Variants in KIAA1671 observed in about 807,000 individuals in gnomAD.
KIAA1671 encodes KIAA1671.
In KIAA1671, 52 loss-of-function variants were observed where a neutral mutation model predicts 131.2. The observed-to-expected ratio is 0.40, with a 90% CI of 0.32 to 0.50. KIAA1671 has a LOEUF of 0.50. Ranked by LOEUF, KIAA1671 falls within the 20% of genes least tolerant of loss-of-function variation. KIAA1671 has a pLI of 0.73. For synonymous variants in KIAA1671, 1,003 were observed against 961.6 expected (o/e 1.04, Z -0.80); for missense variants, 2,360 against 2,364.2 (o/e 1.00, Z 0.04).
intron 6 of KIAA1671, among the ~76,000 whole-genome samples, chr22:25,083,037 C>A (rs1929497188): frequency 6.6e-6 from 1 of 151,996 alleles, no homozygotes; most frequent in Non-Finnish European, 1.5e-5. Flanking sequence ...TTTTATTTTG[C>A]TCCTCCTATG....
intron 6 of KIAA1671, among the ~76,000 whole-genome samples, chr22:25,117,184 G>A (rs1049341842): frequency 8.6e-5 from 13 of 150,298 alleles, no homozygotes; most frequent in African/African-American, 1.2e-4. Flanking sequence ...ATATAATGTG[G>A]TGTGGGGCAC....
At chr22:25,104,165 G>GAT (rs1930862038) in intron 6 of KIAA1671, among the ~76,000 whole-genome samples, 1 of 152,080 alleles carries the variant, frequency 6.6e-6, no homozygotes, top group Non-Finnish European at 1.5e-5. Context: ...TTTTAGTAGA[G>GAT]ATGGGGTTTT....
At chr22:25,058,161 T>G (rs1055730059) in intron 6 of KIAA1671, 8 of 152,302 alleles carry the variant, frequency 5.3e-5, no homozygotes, top group African/African-American at 1.9e-4. Context: ...TAAATCTAAA[T>G]GCATGGGGGC....
chr22:25,009,201 C>T (rs1442649961), intron 1 of KIAA1671, among the ~76,000 whole-genome samples: 1 of 147,558 alleles, frequency 6.8e-6, no homozygotes, highest in African/African-American at 2.5e-5. Flanking sequence ...TGCCTCCTGG[C>T]TTAAGGGGAT....
intron 1 of KIAA1671, among the ~76,000 whole-genome samples, chr22:25,000,126 A>C (rs1204365917): frequency 2.2e-5 from 3 of 136,326 alleles, no homozygotes; most frequent in Middle Eastern, 4.7e-3. Context: ...CTCGTGATCC[A>C]CCTGCCTCGG....
intron 10 of KIAA1671, among the ~76,000 whole-genome samples, chr22:25,182,329 CTTCTTTCTTTCCTCCCTCCCTTTCTCTT>C (rs1568996738): frequency 2.7e-5 from 2 of 74,292 alleles, no homozygotes; most frequent in African/African-American, 7.8e-5. Context: ...TTCCTTTTCT[CTTCTTTCTTTCCTCCCTCCCTTTCTCTT>C]CTTTCTTTCC....
intron 1 of KIAA1671, among the ~76,000 whole-genome samples, chr22:25,005,747 A>G (rs1924717228): frequency 6.6e-6 from 1 of 152,178 alleles, no homozygotes; most frequent in Admixed American, 6.5e-5. Context: ...GGTTAAATTA[A>G]ATAAGGTTGG....
At chr22:25,002,884 A>G (rs921162464) in intron 1 of KIAA1671, among the ~76,000 whole-genome samples, 1 of 152,010 alleles carries the variant, frequency 6.6e-6, no homozygotes, top group African/African-American at 2.4e-5. Context: ...GGATCAAACA[A>G]TTCTCCAGCC....
At chr22:25,094,194 A>G (rs968294516) in intron 6 of KIAA1671, among the ~76,000 whole-genome samples, 1 of 151,954 alleles carries the variant, frequency 6.6e-6, no homozygotes, top group African/African-American at 2.4e-5. Flanking sequence ...GAGACTTGGG[A>G]TGAATGGTGG....
intron 6 of KIAA1671, among the ~76,000 whole-genome samples, chr22:25,161,470 C>T (rs574845909): frequency 1.3e-4 from 20 of 152,130 alleles, no homozygotes; most frequent in Non-Finnish European, 2.5e-4. Context: ...GCCTGTGGCA[C>T]GATGGTGCCT....
In KIAA1671 at chr22:25,192,998, T is replaced by C. The variant is rs1028899210; in HGVS notation, c.*597T>C. 1.3e-5 allele frequency: 2 copies of C among 152,154 alleles called. No individual in the cohort carries two copies. The highest frequency in any genetic ancestry group is 2.9e-5 in the Non-Finnish European group (2 of 68,030). 9.4% of individuals were successfully genotyped at this position (152,154 alleles called of 1,614,324 possible). On this transcript the variant is annotated 3_prime_UTR_variant, in exon 13 of 13. Coordinates refer to ENST00000358431, the MANE Select transcript of KIAA1671 (RefSeq NM_001145206.2). ...AATTTTTAAACATACTCTCCCTGAT[T>C]ATGTGTATTTCTCTTTCTAGTGGGG...
At chr22:25,004,903 A>ACG in intron 1 of KIAA1671, among the ~76,000 whole-genome samples, 1 of 150,658 alleles carries the variant, frequency 6.6e-6, no homozygotes, top group South Asian at 2.1e-4. Context: ...CTGAGATGGC[A>ACG]CCTCTGCACT....
At chr22:25,112,983 G>A (rs1360047094) in intron 6 of KIAA1671, among the ~76,000 whole-genome samples, 1 of 151,932 alleles carries the variant, frequency 6.6e-6, no homozygotes, top group Admixed American at 6.5e-5. Context: ...TGAACCTTGG[G>A]TTTGGTGTGA....
chr22:25,033,573 C>CGT (rs1491222642), intron 4 of KIAA1671, among the ~76,000 whole-genome samples: 2 of 71,662 alleles, frequency 2.8e-5, no homozygotes, highest in African/African-American at 1.2e-4. Context: ...GGTTTGTTTT[C>CGT]GTTTTTTTTT....
At chr22:25,123,783 T>C (rs1932055247) in intron 6 of KIAA1671, among the ~76,000 whole-genome samples, 1 of 152,214 alleles carries the variant, frequency 6.6e-6, no homozygotes, top group African/African-American at 2.4e-5. Flanking sequence ...CTGAAATCCT[T>C]CCTAGATCCC....
At chr22:25,103,227 T>TTG (rs1299158897) in intron 6 of KIAA1671, among the ~76,000 whole-genome samples, 1 of 151,146 alleles carries the variant, frequency 6.6e-6, no homozygotes, top group Non-Finnish European at 1.5e-5. Flanking sequence ...TTTTTTTTTT[T>TTG]GAGAACGGCG....
At chr22:25,148,651 C>T (rs997769636) in intron 6 of KIAA1671, among the ~76,000 whole-genome samples, 7 of 152,150 alleles carry the variant, frequency 4.6e-5, no homozygotes, top group African/African-American at 1.4e-4. Context: ...ACTGGCACCA[C>T]GAGGGACGTC....
Position 25,028,757 on chromosome 22 carries a change from C to G in KIAA1671, c.758C>G (p.Pro253Arg). ...VSAIFTESIQ[P>R]QKPGPGAAAT... ...GCCATTTTCACGGAGTCCATTCAGC[C>G]TCAGAAGCCAGGCCCCGGCGCAGCG... The change falls in exon 3 of 13, where the codon CCT becomes CGT. Residue 253 changes from proline to arginine, a missense_variant. Pro to Arg is a moderately radical substitution (Grantham distance 103). This residue lies in a region of KIAA1671 where 1,185 missense variants were observed against 1,126.2 expected (regional missense o/e 1.05). Coordinates refer to ENST00000358431, the MANE Select transcript of KIAA1671 (RefSeq NM_001145206.2). 1.3e-6 allele frequency: 2 copies of G among 1,551,344 alleles called. No homozygotes were observed. Among genetic ancestry groups the G allele is most frequent in the Non-Finnish European group, 1.7e-6 (2 of 1,147,016 alleles).
intron 1 of KIAA1671, among the ~76,000 whole-genome samples, chr22:24,973,969 C>A (rs1024651640): frequency 2.0e-5 from 3 of 151,054 alleles, no homozygotes; most frequent in Non-Finnish European, 3.0e-5. Flanking sequence ...GCCGTGTAGA[C>A]CCGGGCCTGG....
Sources: allele counts gnomAD v4.1 joint callset (sites outside exome capture counted in the v4.1 genomes callset), GRCh38; gene constraint gnomAD v4.1.1; regional missense constraint gnomAD v4.1.1; transcripts MANE v1.5; gene names NCBI Gene and HGNC (gene_info 2026-07-23, HGNC 2026-07-21).